Variants in PLXDC2 observed in about 807,000 individuals in gnomAD.
PLXDC2 encodes plexin domain containing 2.
In PLXDC2, 40 loss-of-function variants were observed where a neutral mutation model predicts 68.9. The ratio of observed to expected loss-of-function variants is 0.58; its 90% CI spans 0.45 to 0.76. The LOEUF (loss-of-function observed/expected upper bound fraction) is 0.76. Ranked by LOEUF, PLXDC2 falls within the 30% of genes least tolerant of loss-of-function variation. The pLI is 0.00. For missense variants in PLXDC2, 644 were observed against 661.9 expected, an observed-to-expected ratio of 0.97 and a Z score of 0.30; for synonymous variants, 243 against 234.2, an observed-to-expected ratio of 1.04 and a Z score of -0.34.
intron 3 of PLXDC2, among the ~76,000 whole-genome samples, chr10:20,055,638 TGA>T (rs1386752850): frequency 1.3e-5 from 2 of 152,124 alleles, no homozygotes. Context: ...TCAATTCAAG[TGA>T]GACACAAGTT....
At chr10:20,190,078 G>C (rs938080407) in intron 9 of PLXDC2, among the ~76,000 whole-genome samples, 2 of 151,800 alleles carry the variant, frequency 1.3e-5, no homozygotes, top group Admixed American at 6.6e-5. Flanking sequence ...AAAGTCTGCA[G>C]AATTATTTAG....
At chr10:20,040,780 T>C (rs902951016) in intron 2 of PLXDC2, among the ~76,000 whole-genome samples, 1 of 152,184 alleles carries the variant, frequency 6.6e-6, no homozygotes, top group Non-Finnish European at 1.5e-5. Flanking sequence ...GATTCTTCAG[T>C]TGACAATACT....
chr10:20,116,174 A>G (rs1460299620), intron 4 of PLXDC2, among the ~76,000 whole-genome samples: 6 of 152,168 alleles, frequency 3.9e-5, no homozygotes, highest in Non-Finnish European at 5.9e-5. Flanking sequence ...CCTCTTTTCA[A>G]CCTAAGGAGA....
At chr10:20,083,873 G>T (rs1833150614) in intron 4 of PLXDC2, among the ~76,000 whole-genome samples, 1 of 152,140 alleles carries the variant, frequency 6.6e-6, no homozygotes, top group Admixed American at 6.5e-5. Context: ...TCAAATTGCT[G>T]AATGTTGCAG....
intron 13 of PLXDC2, among the ~76,000 whole-genome samples, chr10:20,248,381 T>G (rs2119341446): frequency 6.6e-6 from 1 of 152,266 alleles, no homozygotes; most frequent in African/African-American, 2.4e-5. Flanking sequence ...TTAGAGATAA[T>G]TTAGTTCTAT....
intron 13 of PLXDC2, among the ~76,000 whole-genome samples, chr10:20,263,922 C>T (rs1835840059): frequency 6.6e-6 from 1 of 151,986 alleles, no homozygotes; most frequent in Admixed American, 6.6e-5. Flanking sequence ...GAGCTAAAAG[C>T]AGAACTACCA....
intron 1 of PLXDC2, among the ~76,000 whole-genome samples, chr10:19,848,708 A>G (rs1216844752): frequency 6.6e-6 from 1 of 152,136 alleles, no homozygotes; most frequent in Admixed American, 6.5e-5. Context: ...CGAAGTACCC[A>G]CTAGGATTTC....
intron 1 of PLXDC2, among the ~76,000 whole-genome samples, chr10:19,890,521 C>CT (rs71388875): frequency 0.18 from 25,829 of 140,234 alleles, 2,676 homozygotes; most frequent in East Asian, 0.34. Flanking sequence ...CTGAGAACTG[C>CT]TTTTTTTTTT....
chr10:19,972,837 T>G (rs1834377703), intron 1 of PLXDC2, among the ~76,000 whole-genome samples: 1 of 152,180 alleles, frequency 6.6e-6, no homozygotes, highest in Non-Finnish European at 1.5e-5. Context: ...AGCTAATTAG[T>G]GTCCTTAGGG....
At chr10:19,832,227 T>C (rs379242) in intron 1 of PLXDC2, among the ~76,000 whole-genome samples, 93,849 of 152,088 alleles carry the variant, frequency 0.62, 29,411 homozygotes, top group East Asian at 0.77. Flanking sequence ...GCACCTAGCA[T>C]GTAGTAGGCT....
intron 13 of PLXDC2, among the ~76,000 whole-genome samples, chr10:20,259,783 A>G (rs1309527379): frequency 6.6e-6 from 1 of 152,232 alleles, no homozygotes; most frequent in African/African-American, 2.4e-5. Context: ...GGACCTGTGT[A>G]AGAATTTCTG....
chr10:20,236,316 G>A (rs1835431677), intron 12 of PLXDC2, among the ~76,000 whole-genome samples: 1 of 151,940 alleles, frequency 6.6e-6, no homozygotes, highest in South Asian at 2.1e-4. Flanking sequence ...ATGGTGGTGT[G>A]TGCATAAAGT....
At chr10:19,917,272 T>G (rs1257900794) in intron 1 of PLXDC2, among the ~76,000 whole-genome samples, 5 of 152,116 alleles carry the variant, frequency 3.3e-5, no homozygotes, top group Non-Finnish European at 7.3e-5. Flanking sequence ...AGAACTGTGT[T>G]CAATTTTTTG....
intron 4 of PLXDC2, among the ~76,000 whole-genome samples, chr10:20,076,878 T>G (rs1369182481): frequency 6.6e-6 from 1 of 152,168 alleles, no homozygotes; most frequent in African/African-American, 2.4e-5. Flanking sequence ...CATGATGACA[T>G]TTTGGGACTC....
intron 4 of PLXDC2, among the ~76,000 whole-genome samples, chr10:20,099,513 G>A (rs1391775279): frequency 6.6e-6 from 1 of 152,130 alleles, no homozygotes; most frequent in Non-Finnish European, 1.5e-5. Flanking sequence ...ACTTCTCACA[G>A]ATCCTCAAAA....
rs75284508 is a variant in PLXDC2 at position 20,286,747 on chromosome 10, G to A, written c.*6928G>A. On this transcript the variant is annotated 3_prime_UTR_variant, in exon 14 of 14. Coordinates refer to ENST00000377252, the MANE Select transcript of PLXDC2 (RefSeq NM_032812.9). ...ACTTCTTTTAGTTGTTGTTTGAGAT[G>A]GGGTTTTGCTCTTGTTACCCAGGCT... The A allele has an allele frequency of 0.25, 37,689 of 151,790 alleles. 5,045 individuals are homozygous for A. Among genetic ancestry groups the A allele is most frequent in the East Asian group, 0.46 (2,358 of 5,088 alleles). The allele number at this position is 151,790 out of a possible 1,614,324, so 9.4% of individuals were successfully genotyped here. A position where few individuals can be genotyped will look rare whatever the true frequency, so the allele number is the denominator to read the frequency against.
chr10:20,244,562 A>T (rs2119332989), intron 12 of PLXDC2, among the ~76,000 whole-genome samples: 1 of 152,310 alleles, frequency 6.6e-6, no homozygotes. Context: ...CAGATTTTTC[A>T]CAAATTATGC....
intron 1 of PLXDC2, among the ~76,000 whole-genome samples, chr10:19,848,824 G>A (rs568141905): frequency 1.1e-4 from 16 of 151,748 alleles, no homozygotes; most frequent in Admixed American, 5.9e-4. Context: ...GGAAGGGGAG[G>A]ATGGCAGGTT....
chr10:19,848,334 G>A (rs1375810122), intron 1 of PLXDC2, among the ~76,000 whole-genome samples: 1 of 152,098 alleles, frequency 6.6e-6, no homozygotes, highest in African/African-American at 2.4e-5. Context: ...TGTTTCTGCA[G>A]TTTGGTGGTT....
Sources: gnomAD v4.1 joint callset for allele counts (sites outside exome capture counted in the v4.1 genomes callset) on GRCh38, gnomAD v4.1.1 for gene constraint, MANE v1.5 for transcripts, NCBI Gene and HGNC (gene_info 2026-07-23, HGNC 2026-07-21) for gene names.